Variants in FAM135B observed in about 807,000 individuals in gnomAD.
The protein encoded by FAM135B is protein FAM135B.
Under a neutral mutation model 127.7 loss-of-function variants are expected in FAM135B, and 43 were observed. The observed-to-expected ratio is 0.34, with a 90% CI of 0.26 to 0.43. The LOEUF is 0.43. Among genes scored for constraint, FAM135B ranks in the 20% least tolerant of loss-of-function variants. The pLI is 1.00. For synonymous variants in FAM135B, 670 were observed against 665.1 expected (o/e 1.01, Z -0.11); for missense variants, 1,558 against 1,725.6 (o/e 0.90, Z 1.72).
At chr8:138,465,014 A>G (rs1293218914) in intron 1 of FAM135B, among the ~76,000 whole-genome samples, 2 of 152,264 alleles carry the variant, frequency 1.3e-5, no homozygotes, top group Admixed American at 1.3e-4. Context: ...ACAAGCTGGA[A>G]TCACAGACTT....
chr8:138,250,659 TC>T (rs1293343804), intron 6 of FAM135B, among the ~76,000 whole-genome samples, 181 bp downstream of exon 6: 1 of 152,094 alleles, frequency 6.6e-6, no homozygotes, highest in Non-Finnish European at 1.5e-5. Context: ...CACACCAGTC[TC>T]CCTTTGGGAC....
chr8:138,448,281 G>A (rs1836307765), intron 1 of FAM135B, among the ~76,000 whole-genome samples: 1 of 152,044 alleles, frequency 6.6e-6, no homozygotes, highest in Admixed American at 6.6e-5. Context: ...ATGCACATTT[G>A]CACTGGTGGA....
At position 138,399,224 on chromosome 8, in the gene FAM135B, G is replaced by C. The variant is rs549322796; in HGVS notation, c.-19-31222C>G. Among the ~76,000 whole-genome samples the C allele has an allele frequency of 1.5e-4, 23 of 152,120 alleles. No homozygotes were observed. In the East Asian group the frequency reaches 2.5e-3, roughly 17 times the overall value. ...ATAGCATCCCCATTAATTCTCAGAA[G>C]TGTCTGGCTTTGAACCATATATTAT... On this transcript the variant is annotated intron_variant, in intron 1 of 19. Transcript: ENST00000395297.
intron 1 of FAM135B, chr8:138,440,303 G>T (rs1026546714): frequency 5.3e-5 from 8 of 152,070 alleles, no homozygotes; most frequent in African/African-American, 1.9e-4. Context: ...TATTTCTGGG[G>T]TTACTTTCAA....
At position 138,193,247 on chromosome 8, in the gene FAM135B, G is replaced by C. The variant is rs989137497; in HGVS notation, c.873+2011C>G. 2.0e-5 allele frequency among the ~76,000 whole-genome samples: 3 copies of C among 152,182 alleles called. No homozygotes were observed. In the South Asian group the frequency reaches 6.2e-4, roughly 32 times the overall value. ...GCTTTGGTAATGGTGAAATCTCAGGGGCTATAGAAAGATTAAAGGGGATTA... is the reference window on the plus strand; with the variant it reads ...GCTTTGGTAATGGTGAAATCTCAGGCGCTATAGAAAGATTAAAGGGGATTA... On this transcript the variant is annotated intron_variant, in intron 9 of 19. Transcript: ENST00000395297.
intron 7 of FAM135B, among the ~76,000 whole-genome samples, chr8:138,234,150 C>T (rs1820101506): frequency 6.6e-6 from 1 of 151,924 alleles, no homozygotes; most frequent in Non-Finnish European, 1.5e-5. Context: ...TTAAAAGACT[C>T]AAATGAATTA....
At chr8:138,283,295 T>C (rs1438767591) in intron 3 of FAM135B, among the ~76,000 whole-genome samples, 1 of 152,056 alleles carries the variant, frequency 6.6e-6, no homozygotes, top group African/African-American at 2.4e-5. Flanking sequence ...AAATGAGCCG[T>C]TGGGCCATAA....
At chr8:138,476,281 G>A (rs1490723105) in intron 1 of FAM135B, among the ~76,000 whole-genome samples, 1 of 152,162 alleles carries the variant, frequency 6.6e-6, no homozygotes, top group East Asian at 1.9e-4. Flanking sequence ...TACTACAATT[G>A]TGGAAACATA....
At chr8:138,235,877 A>G (rs138408035) in intron 7 of FAM135B, among the ~76,000 whole-genome samples, 1 of 152,000 alleles carries the variant, frequency 6.6e-6, no homozygotes, top group African/African-American at 2.4e-5. Context: ...AATGACATGC[A>G]CTCCTCTGTC....
intron 3 of FAM135B, among the ~76,000 whole-genome samples, chr8:138,296,075 CTA>C (rs1825460382): frequency 6.6e-6 from 1 of 152,152 alleles, no homozygotes; most frequent in Admixed American, 6.5e-5. Context: ...GCTTTTTAGT[CTA>C]TATCAAATGC....
At chr8:138,289,852 T>C (rs527561984) in intron 3 of FAM135B, among the ~76,000 whole-genome samples, 1 of 152,276 alleles carries the variant, frequency 6.6e-6, no homozygotes, top group Admixed American at 6.5e-5. Flanking sequence ...CATTTTTATC[T>C]CATTTAGTGA....
chr8:138,421,262 A>G (rs13272799), intron 1 of FAM135B, among the ~76,000 whole-genome samples: 13,331 of 152,164 alleles, frequency 0.088, 1,001 homozygotes, highest in East Asian at 0.26. Context: ...GCAGTGAGCC[A>G]CGATTGCACC....
At chr8:138,255,605 C>T (rs1403845477) in intron 5 of FAM135B, among the ~76,000 whole-genome samples, 1 of 152,144 alleles carries the variant, frequency 6.6e-6, no homozygotes, top group Non-Finnish European at 1.5e-5. Context: ...TGTCTGTGTC[C>T]TTTTCCCATG....
intron 1 of FAM135B, among the ~76,000 whole-genome samples, chr8:138,392,232 T>G (rs971157200): frequency 9.9e-5 from 15 of 152,124 alleles, no homozygotes; most frequent in Non-Finnish European, 1.8e-4. Flanking sequence ...CGGGAGCCCC[T>G]CCCACCCAAA....
At chr8:138,173,603 G>A (rs1178464263) in intron 11 of FAM135B, among the ~76,000 whole-genome samples, 1 of 152,186 alleles carries the variant, frequency 6.6e-6, no homozygotes, top group Non-Finnish European at 1.5e-5. Context: ...TCTGATCAGA[G>A]TAGTTTCAAT....
chr8:138,419,896 G>A (rs1173138603), intron 1 of FAM135B, among the ~76,000 whole-genome samples: 1 of 151,910 alleles, frequency 6.6e-6, no homozygotes, highest in African/African-American at 2.4e-5. Context: ...TTACAGAAAG[G>A]TCTCAAATTA....
intron 2 of FAM135B, among the ~76,000 whole-genome samples, chr8:138,318,363 A>G (rs1032094041): frequency 2.0e-5 from 3 of 152,248 alleles, no homozygotes; most frequent in South Asian, 2.1e-4. Flanking sequence ...TGAGTCAGTC[A>G]TTGCCAGGGG....
chr8:138,282,412 T>G (rs974456137), intron 3 of FAM135B, among the ~76,000 whole-genome samples: 12 of 152,000 alleles, frequency 7.9e-5, no homozygotes, highest in African/African-American at 2.7e-4. Context: ...TAGAAGAAAA[T>G]GTTTACAAAA....
intron 1 of FAM135B, among the ~76,000 whole-genome samples, chr8:138,417,794 T>C (rs1165872056): frequency 2.0e-5 from 3 of 151,962 alleles, no homozygotes; most frequent in Non-Finnish European, 4.4e-5. Context: ...CATCAAAGAA[T>C]CCCACCCAAA....
Sources: allele counts gnomAD v4.1 joint callset (sites outside exome capture counted in the v4.1 genomes callset), GRCh38; gene constraint gnomAD v4.1.1; transcripts MANE v1.5; gene names NCBI Gene and HGNC (gene_info 2026-07-23, HGNC 2026-07-21).